Variants in OSBPL9 observed in about 807,000 individuals in gnomAD.
OSBPL9 encodes oxysterol binding protein like 9.
A neutral mutation model predicts 106.6 loss-of-function variants in OSBPL9; 40 were observed. The ratio of observed to expected loss-of-function variants is 0.38; its 90% CI spans 0.29 to 0.49. The LOEUF is 0.49. Among genes scored for constraint, OSBPL9 ranks in the 20% least tolerant of loss-of-function variants. The pLI is 0.97. For missense variants in OSBPL9, 609 were observed against 887.2 expected (o/e 0.69, Z 3.98); for synonymous variants, 269 against 295.4 (o/e 0.91, Z 0.92).
intron 3 of OSBPL9, among the ~76,000 whole-genome samples, chr1:51,712,285 G>C (rs1660213958): frequency 6.6e-6 from 1 of 152,106 alleles, no homozygotes; most frequent in African/African-American, 2.4e-5. Context: ...GCCTGCAATC[G>C]CAGGCACTCG....
intron 1 of OSBPL9, among the ~76,000 whole-genome samples, chr1:51,648,597 G>T (rs551960646): frequency 6.6e-6 from 1 of 152,314 alleles, no homozygotes; most frequent in Non-Finnish European, 1.5e-5. Flanking sequence ...GCTGAGTGGA[G>T]AGAGGGAGGG....
chr1:51,527,335 GATGATGA>G, the OSBPL9 span, among the ~76,000 whole-genome samples: 1,107 of 151,214 alleles, frequency 7.3e-3, 10 homozygotes, highest in African/African-American at 0.025. Context: ...TGATGGTGAT[GATGATGA>G]TGATGATGAT....
At chr1:51,728,376 G>A (rs2148931169) in intron 4 of OSBPL9, among the ~76,000 whole-genome samples, 1 of 152,330 alleles carries the variant, frequency 6.6e-6, no homozygotes, top group Non-Finnish European at 1.5e-5. Flanking sequence ...ACCTGTTATA[G>A]GGTGGTGGCA....
At chr1:51,786,474 T>G in intron 21 of OSBPL9, 52 bp from the exon 22 acceptor site, 2 of 1,228,540 alleles carry the variant, frequency 1.6e-6, no homozygotes, top group Non-Finnish European at 2.4e-6. Flanking sequence ...GCATCTAACA[T>G]TAGGTTAGGG....
chr1:51,622,564 A>G (rs1417997212), intron 1 of OSBPL9, among the ~76,000 whole-genome samples: 1 of 152,196 alleles, frequency 6.6e-6, no homozygotes, highest in Non-Finnish European at 1.5e-5. Context: ...CAGTCATCTG[A>G]AAGGCTTGAC....
the OSBPL9 span, among the ~76,000 whole-genome samples, chr1:51,531,528 A>G: frequency 1.3e-5 from 2 of 152,208 alleles, no homozygotes; most frequent in Non-Finnish European, 1.5e-5. Context: ...AGGATCACGG[A>G]TGATGCCAGG....
intron 8 of OSBPL9, among the ~76,000 whole-genome samples, chr1:51,752,336 T>G (rs571998764): frequency 6.6e-6 from 1 of 151,936 alleles, no homozygotes; most frequent in South Asian, 2.1e-4. Context: ...TCTCACTTTA[T>G]TCATATTTCT....
rs146848838 is a variant in OSBPL9, at chr1:51,609,553, AGGCTGGTCTCAAACTCCT to A, written c.-352-4747_-352-4730del. 1.3e-3 allele frequency among the ~76,000 whole-genome samples: 186 copies of A among 142,288 alleles called. 2 individuals are homozygous for A. The highest frequency in any genetic ancestry group is 4.8e-3 in the African/African-American group (181 of 37,848). The allele number at this position is 142,288 out of a possible 152,430, so 93.3% of individuals were successfully genotyped here. ...GAGACAGGGTCTGGCTATGTTGCCC[AGGCTGGTCTCAAACTCCT>A]GGCTTGAAGTGATCCTCCTGCCTCA... On this transcript the variant is annotated intron_variant, in intron 2 of 25. Coordinates refer to the OSBPL9 transcript ENST00000371714.
intron 4 of OSBPL9, among the ~76,000 whole-genome samples, chr1:51,723,079 G>T (rs1227376949): frequency 6.6e-6 from 1 of 152,206 alleles, no homozygotes; most frequent in Admixed American, 6.5e-5. Flanking sequence ...CCCTACGCAT[G>T]TGCGGCCTCC....
chr1:51,734,813 A>G (rs558592397), intron 4 of OSBPL9, among the ~76,000 whole-genome samples: 3 of 152,116 alleles, frequency 2.0e-5, no homozygotes, highest in African/African-American at 7.2e-5. Context: ...GGTAGTCTCC[A>G]CCCCTTGGTC....
chr1:51,711,045 T>C (rs75784607), intron 3 of OSBPL9, among the ~76,000 whole-genome samples: 20 of 151,964 alleles, frequency 1.3e-4, no homozygotes, highest in Non-Finnish European at 2.4e-4. Flanking sequence ...TTTTTTTTTT[T>C]CCCAAGGCAG....
chr1:51,569,408 G>A, the OSBPL9 span: 1 of 152,154 alleles, frequency 6.6e-6, no homozygotes, highest in South Asian at 2.1e-4. Flanking sequence ...GGTCTTTGAA[G>A]AGTCCTGCCA....
intron 3 of OSBPL9, chr1:51,669,933 C>T (rs1008002280): frequency 1.0e-5 from 4 of 384,390 alleles, no homozygotes; most frequent in African/African-American, 8.4e-5. Context: ...TAAATTGAAG[C>T]TTAGTGGCAA....
chr1:51,646,347 A>G (rs1213919602), intron 1 of OSBPL9, among the ~76,000 whole-genome samples: 1 of 152,110 alleles, frequency 6.6e-6, no homozygotes, highest in Non-Finnish European at 1.5e-5. Flanking sequence ...TATTAAATTT[A>G]TTAATAAGTA....
the OSBPL9 span, among the ~76,000 whole-genome samples, chr1:51,556,865 C>G: frequency 7.6e-6 from 1 of 131,372 alleles, no homozygotes; most frequent in South Asian, 2.5e-4. Flanking sequence ...ATATCTCAAA[C>G]TAAGTAGAAT....
At chr1:51,692,844 T>C (rs1557696869) in intron 3 of OSBPL9, among the ~76,000 whole-genome samples, 1 of 152,012 alleles carries the variant, frequency 6.6e-6, no homozygotes, top group Non-Finnish European at 1.5e-5. Flanking sequence ...TGTCTTTGAC[T>C]AAATGTCATT....
chr1:51,698,462 G>T (rs1571155327), intron 3 of OSBPL9, among the ~76,000 whole-genome samples: 2 of 152,184 alleles, frequency 1.3e-5, no homozygotes, highest in East Asian at 3.9e-4. Context: ...CAGTTTATAT[G>T]TATATGTGTA....
intron 9 of OSBPL9, among the ~76,000 whole-genome samples, chr1:51,757,907 T>C (rs999249707): frequency 2.6e-5 from 4 of 152,202 alleles, no homozygotes; most frequent in Admixed American, 2.0e-4. Flanking sequence ...GAATGTTAGC[T>C]ATATGTACAT....
intron 1 of OSBPL9, among the ~76,000 whole-genome samples, chr1:51,632,661 G>C (rs984047214): frequency 9.2e-5 from 14 of 152,166 alleles, no homozygotes; most frequent in African/African-American, 1.9e-4. Context: ...GCCTGCGATG[G>C]GGGGAGAAGT....
Sources: gnomAD v4.1 joint callset for allele counts (sites outside exome capture counted in the v4.1 genomes callset) on GRCh38, gnomAD v4.1.1 for gene constraint, MANE v1.5 for transcripts, NCBI Gene and HGNC (gene_info 2026-07-23, HGNC 2026-07-21) for gene names.